Variants in TLL2 observed in about 807,000 individuals in gnomAD.
TLL2 encodes tolloid like 2, also known as tolloid-like protein 2.
A neutral mutation model predicts 123.0 loss-of-function variants in TLL2; 106 were observed. That is an observed-to-expected ratio of 0.86 (90% confidence interval 0.74 to 1.01). The LOEUF is 1.01. TLL2 is among the 50% of genes least tolerant of loss of function. The pLI is 0.00. For synonymous variants in TLL2, 494 were observed against 516.8 expected, an observed-to-expected ratio of 0.96 and a Z score of 0.60; for missense variants, 1,332 against 1,336.7, an observed-to-expected ratio of 1.00 and a Z score of 0.06.
At chr10:96,378,411 A>C (rs1846156627) in intron 17 of TLL2, among the ~76,000 whole-genome samples, 1 of 7,436 alleles carries the variant, frequency 1.3e-4, no homozygotes, top group Non-Finnish European at 8.5e-3. Flanking sequence ...AGAATTCCCC[A>C]CAGTGTAATG....
rs1293938188 is a variant in TLL2 at position 96,366,078 on chromosome 10, C to T, written c.*2010G>A. The T allele has an allele frequency of 2.6e-5, 4 of 152,192 alleles. No homozygotes were observed. Among genetic ancestry groups the T allele is most frequent in the African/African-American group, 9.7e-5 (4 of 41,432 alleles). The allele number at this position is 152,192 out of a possible 1,614,324, so 9.4% of individuals were successfully genotyped here. A position where few individuals can be genotyped will look rare whatever the true frequency, so the allele number is the denominator to read the frequency against. ...TCCTTGGAGAAAGAACCATAACACC[C>T]ATCTTAGGTTTCCCAGTTCCAGTTT... On this transcript the variant is annotated 3_prime_UTR_variant, in exon 21 of 21. Coordinates refer to ENST00000357947, the MANE Select transcript of TLL2 (RefSeq NM_012465.4).
chr10:96,459,705 A>AAAAATATATAT (rs1847058581), intron 2 of TLL2, among the ~76,000 whole-genome samples: 1 of 38,040 alleles, frequency 2.6e-5, no homozygotes, highest in Non-Finnish European at 4.4e-5. Context: ...AAAAAAAAAA[A>AAAAATATATAT]ATATATATAT....
At chr10:96,378,824 C>T (rs558525917) in intron 17 of TLL2, 143 bp downstream of exon 17, 16 of 1,155,742 alleles carry the variant, frequency 1.4e-5, no homozygotes, top group East Asian at 7.4e-5. Flanking sequence ...AAAACTCTCC[C>T]GCAAGGACAG....
intron 2 of TLL2, among the ~76,000 whole-genome samples, chr10:96,465,731 G>T (rs1029427549): frequency 7.2e-5 from 11 of 152,236 alleles, no homozygotes; most frequent in African/African-American, 2.4e-4. Context: ...TTGGCAGGGG[G>T]ACAGGCAGGC....
At chr10:96,420,933 G>A (rs572512729) in intron 7 of TLL2, 23 bp downstream of exon 7, 5 of 1,607,344 alleles carry the variant, frequency 3.1e-6, no homozygotes, top group African/African-American at 1.3e-5. Context: ...AAACACAGAC[G>A]AGGCATAAGC....
At position 96,398,868 on chromosome 10, in the gene TLL2, CTT is replaced by C. The variant is rs3033618; in HGVS notation, c.1268-1568_1268-1567del. 1.1e-3 allele frequency among the ~76,000 whole-genome samples: 115 copies of C among 107,722 alleles called. No individual in the cohort carries two copies. In the Middle Eastern group the frequency reaches 0.022, roughly 20 times the overall value. 70.7% of individuals were successfully genotyped at this position (107,722 alleles called of 152,430 possible). A position where few individuals can be genotyped will look rare whatever the true frequency, so the allele number is the denominator to read the frequency against. ...CTTCTTTTGGAGTGATGAAAATATT[CTT>C]TTTTTTTTTTTTTTTTTTTGAGACA... is the stretch of plus-strand genomic sequence containing the variant. On this transcript the variant is annotated intron_variant, in intron 10 of 20. Transcript: ENST00000357947.
chr10:96,431,429 C>T (rs929203314), intron 4 of TLL2, among the ~76,000 whole-genome samples: 2 of 152,160 alleles, frequency 1.3e-5, no homozygotes, highest in African/African-American at 4.8e-5. Flanking sequence ...TTGGCAAATC[C>T]TCAGGGAATC....
At chr10:96,393,768 A>T (rs1022166430) in intron 13 of TLL2, among the ~76,000 whole-genome samples, 5 of 150,108 alleles carry the variant, frequency 3.3e-5, no homozygotes, top group Non-Finnish European at 7.4e-5. Context: ...GAAAGAAGCA[A>T]CTCAGTTTTG....
intron 10 of TLL2, among the ~76,000 whole-genome samples, chr10:96,398,274 T>C (rs1363062146): frequency 6.6e-6 from 1 of 152,076 alleles, no homozygotes; most frequent in East Asian, 1.9e-4. Context: ...GGCCTAGGGT[T>C]GATAAAAGGA....
chr10:96,458,210 C>A (rs1847036233), intron 2 of TLL2, among the ~76,000 whole-genome samples: 1 of 152,102 alleles, frequency 6.6e-6, no homozygotes, highest in Non-Finnish European at 1.5e-5. Context: ...AACCACTACC[C>A]TGCTGGATGG....
At chr10:96,475,461 T>C (rs920584504) in intron 2 of TLL2, among the ~76,000 whole-genome samples, 13 of 152,230 alleles carry the variant, frequency 8.5e-5, no homozygotes, top group African/African-American at 3.1e-4. Flanking sequence ...GTTGGTAAAG[T>C]AGAAGACACA....
chr10:96,416,100 C>T (rs955941669), intron 7 of TLL2, among the ~76,000 whole-genome samples: 3 of 152,068 alleles, frequency 2.0e-5, no homozygotes, highest in Non-Finnish European at 4.4e-5. Context: ...ACATTTTAAA[C>T]CACAAGTGAT....
intron 2 of TLL2, among the ~76,000 whole-genome samples, chr10:96,451,298 G>A (rs7094288): frequency 1.3e-5 from 2 of 152,106 alleles, no homozygotes; most frequent in East Asian, 1.9e-4. Context: ...ATTTTCTTCC[G>A]CTCTCAACAA....
At chr10:96,487,510 C>G (rs569890353) in intron 1 of TLL2, among the ~76,000 whole-genome samples, 1 of 152,182 alleles carries the variant, frequency 6.6e-6, no homozygotes, top group African/African-American at 2.4e-5. Context: ...TCATCTAACA[C>G]TTACTGAGGC....
At chr10:96,507,724 C>T (rs1589439612) in intron 1 of TLL2, among the ~76,000 whole-genome samples, 1 of 152,132 alleles carries the variant, frequency 6.6e-6, no homozygotes, top group African/African-American at 2.4e-5. Context: ...CAAGGTCACA[C>T]AGGCTTGCCT....
intron 9 of TLL2, among the ~76,000 whole-genome samples, chr10:96,408,030 C>T (rs1260274365): frequency 4.6e-5 from 7 of 152,206 alleles, no homozygotes. Context: ...ATCAGATTCC[C>T]TGGGAGTGGG....
At chr10:96,456,735 C>A (rs1002719493) in intron 2 of TLL2, among the ~76,000 whole-genome samples, 3 of 152,212 alleles carry the variant, frequency 2.0e-5, no homozygotes, top group Non-Finnish European at 4.4e-5. Context: ...TACCACCTGC[C>A]TCAAATCAAA....
chr10:96,494,305 C>T (rs1234681658), intron 1 of TLL2, among the ~76,000 whole-genome samples: 2 of 152,206 alleles, frequency 1.3e-5, no homozygotes, highest in African/African-American at 2.4e-5. Context: ...CAGAGGGAGA[C>T]CCCTCCACTC....
intron 20 of TLL2, 91 bp downstream of exon 20, chr10:96,369,974 G>A: frequency 6.8e-7 from 1 of 1,470,034 alleles, no homozygotes; most frequent in South Asian, 1.4e-5. Context: ...TGGAGTAGGT[G>A]GCCGGGACTG....
Sources: allele counts gnomAD v4.1 joint callset (sites outside exome capture counted in the v4.1 genomes callset), GRCh38; gene constraint gnomAD v4.1.1; transcripts MANE v1.5; gene names NCBI Gene and HGNC (gene_info 2026-07-23, HGNC 2026-07-21).